The following MACROD2 variants were observed in gnomAD, a reference collection of about 807,000 sequenced individuals.
MACROD2 encodes the protein ADP-ribose glycohydrolase MACROD2.
A neutral mutation model predicts 70.4 loss-of-function variants in MACROD2; 36 were observed. The observed-to-expected ratio is 0.51, with a 90% CI of 0.39 to 0.68. MACROD2 has a LOEUF of 0.68. MACROD2 is among the 30% of genes least tolerant of loss of function. MACROD2 has a pLI of 0.00. For missense variants in MACROD2, 496 were observed against 538.4 expected (o/e 0.92, Z 0.78); for synonymous variants, 172 against 178.8 (o/e 0.96, Z 0.30).
At chr20:14,287,720 A>G (rs949095714) in intron 3 of MACROD2, among the ~76,000 whole-genome samples, 5 of 152,140 alleles carry the variant, frequency 3.3e-5, no homozygotes, top group African/African-American at 1.2e-4. Context: ...TACAGGCTCA[A>G]CTTAGAAAGG....
chr20:14,995,562 A>G (rs2074942316), intron 5 of MACROD2, among the ~76,000 whole-genome samples: 1 of 152,068 alleles, frequency 6.6e-6, no homozygotes, highest in Non-Finnish European at 1.5e-5. Flanking sequence ...TGAAACAATC[A>G]TATGTAATGC....
chr20:15,378,490 G>A (rs544052917), intron 6 of MACROD2, among the ~76,000 whole-genome samples: 1 of 152,096 alleles, frequency 6.6e-6, no homozygotes, highest in African/African-American at 2.4e-5. Context: ...AGATACTGAC[G>A]ATTATAATAA....
intron 6 of MACROD2, among the ~76,000 whole-genome samples, chr20:15,424,881 A>G (rs6043268): frequency 0.65 from 98,931 of 152,130 alleles, 33,002 homozygotes; most frequent in African/African-American, 0.77. Flanking sequence ...CTATACACAT[A>G]CACACTTGGT....
chr20:14,998,682 G>T (rs150714714), intron 5 of MACROD2, among the ~76,000 whole-genome samples: 13 of 152,230 alleles, frequency 8.5e-5, no homozygotes, highest in African/African-American at 2.6e-4. Context: ...TTAAAGAAAA[G>T]GTAGAGAGTA....
intron 4 of MACROD2, among the ~76,000 whole-genome samples, chr20:14,551,641 C>T (rs1334386423): frequency 2.0e-5 from 3 of 152,110 alleles, no homozygotes; most frequent in Non-Finnish European, 4.4e-5. Context: ...GGAAAACTTC[C>T]CTGCACAACT....
intron 3 of MACROD2, among the ~76,000 whole-genome samples, chr20:14,224,696 C>T (rs2081715765): frequency 6.6e-6 from 1 of 152,194 alleles, no homozygotes; most frequent in South Asian, 2.1e-4. Flanking sequence ...CTCCTGCCCT[C>T]TTTGTTCTCT....
chr20:15,339,132 G>A (rs1035301734), intron 6 of MACROD2, among the ~76,000 whole-genome samples: 5 of 151,798 alleles, frequency 3.3e-5, no homozygotes, highest in Non-Finnish European at 5.9e-5. Context: ...TATTTTAAAT[G>A]TGTGTGTCTG....
chr20:14,560,797 G>C (rs1272565402), intron 4 of MACROD2, among the ~76,000 whole-genome samples: 4 of 151,728 alleles, frequency 2.6e-5, no homozygotes, highest in Admixed American at 2.0e-4. Flanking sequence ...ATTTCACAGA[G>C]TCATTTATTT....
At chr20:16,014,767 T>C (rs536223339) in intron 15 of MACROD2, among the ~76,000 whole-genome samples, 57 of 152,336 alleles carry the variant, frequency 3.7e-4, no homozygotes, top group African/African-American at 1.3e-3. Context: ...AAGTATTCCT[T>C]TGGCCAAGTA....
intron 5 of MACROD2, among the ~76,000 whole-genome samples, chr20:14,917,570 G>C (rs937651403): frequency 2.6e-5 from 4 of 152,032 alleles, no homozygotes; most frequent in African/African-American, 9.7e-5. Flanking sequence ...GCCTATGGAA[G>C]ACCAACACAT....
At chr20:15,415,970 C>A (rs187219106) in intron 6 of MACROD2, among the ~76,000 whole-genome samples, 28 of 152,308 alleles carry the variant, frequency 1.8e-4, no homozygotes, top group African/African-American at 6.3e-4. Context: ...TGGGAGCCAA[C>A]CCTGGCCCGC....
intron 8 of MACROD2, among the ~76,000 whole-genome samples, chr20:15,538,781 A>G (rs1470402682): frequency 6.6e-6 from 1 of 152,182 alleles, no homozygotes; most frequent in African/African-American, 2.4e-5. Context: ...ACATTCATCA[A>G]TACTGTAGTT....
chr20:15,936,585 A>G (rs1040746657), intron 11 of MACROD2, among the ~76,000 whole-genome samples: 2 of 150,210 alleles, frequency 1.3e-5, no homozygotes, highest in Non-Finnish European at 3.0e-5. Context: ...TAACTCATAT[A>G]TGCATGAAAA....
intron 4 of MACROD2, among the ~76,000 whole-genome samples, chr20:14,682,773 T>C (rs1360992471): frequency 1.3e-5 from 2 of 152,210 alleles, no homozygotes; most frequent in Non-Finnish European, 1.5e-5. Flanking sequence ...TTTTTTGCAC[T>C]TGTGTTAATA....
In MACROD2 at chr20:14,617,975, ATC is replaced by A. The variant is rs201238194; in HGVS notation, c.302-66862_302-66861del. On this transcript the variant is annotated intron_variant, in intron 4 of 17. Coordinates refer to ENST00000684519, the MANE Select transcript of MACROD2 (RefSeq NM_001351661.2). ...GGAGTCACAAAGGAAGGTTTCTTCAATCTCTCTTCTTTTGCGGAAAGAAGGAT... is the reference window on the plus strand; with the variant it reads ...GGAGTCACAAAGGAAGGTTTCTTCAATCTCTTCTTTTGCGGAAAGAAGGAT... Among the ~76,000 whole-genome samples, 654 of 152,272 alleles carry A rather than the reference ATC, an allele frequency of 4.3e-3. 5 individuals carry two copies. The Middle Eastern group carries it at 0.044, about 10-fold the overall frequency.
chr20:14,991,220 C>T (rs1395443911), intron 5 of MACROD2, among the ~76,000 whole-genome samples: 2 of 152,086 alleles, frequency 1.3e-5, no homozygotes, highest in Admixed American at 6.6e-5. Context: ...AAAAATCTCA[C>T]GTTGCCCCAT....
chr20:14,116,685 AT>A (rs2054517509), intron 3 of MACROD2, among the ~76,000 whole-genome samples: 3 of 152,014 alleles, frequency 2.0e-5, no homozygotes, highest in African/African-American at 4.8e-5. Flanking sequence ...ATCTCTATGC[AT>A]TTATATACTT....
chr20:15,472,875 C>A (rs2046979149), intron 7 of MACROD2, among the ~76,000 whole-genome samples: 2 of 152,116 alleles, frequency 1.3e-5, no homozygotes, highest in African/African-American at 4.8e-5. Flanking sequence ...ATTTAAATCC[C>A]ATTATTCTAG....
intron 6 of MACROD2, among the ~76,000 whole-genome samples, chr20:15,314,707 G>C (rs2077790490): frequency 6.6e-6 from 1 of 152,082 alleles, no homozygotes; most frequent in African/African-American, 2.4e-5. Flanking sequence ...AATATTATAG[G>C]GTCAATGAAC....
Sources: allele counts gnomAD v4.1 joint callset (sites outside exome capture counted in the v4.1 genomes callset), GRCh38; gene constraint gnomAD v4.1.1; transcripts MANE v1.5; gene names NCBI Gene and HGNC (gene_info 2026-07-23, HGNC 2026-07-21).